The following ZFAT variants were observed in gnomAD, a reference collection of about 807,000 sequenced individuals.
ZFAT encodes zinc finger protein ZFAT.
In ZFAT, 64 loss-of-function variants were observed where a neutral mutation model predicts 117.7. The ratio of observed to expected loss-of-function variants is 0.54; its 90% CI spans 0.44 to 0.67. The LOEUF (loss-of-function observed/expected upper bound fraction) is 0.67. Ranked by LOEUF, ZFAT falls within the 30% of genes least tolerant of loss-of-function variation. The pLI is 0.00. For missense variants in ZFAT, 1,433 were observed against 1,584.5 expected (o/e 0.90, Z 1.62); for synonymous variants, 679 against 615.0 (o/e 1.10, Z -1.54).
At chr8:134,823,308 T>A in the ZFAT span, among the ~76,000 whole-genome samples, 2 of 152,196 alleles carry the variant, frequency 1.3e-5, no homozygotes, top group Non-Finnish European at 2.9e-5. Context: ...AAAAATTAGA[T>A]ACTCAAGTAT....
intron 1 of ZFAT, among the ~76,000 whole-genome samples, chr8:134,662,024 G>A (rs968947909): frequency 7.9e-5 from 12 of 152,108 alleles, no homozygotes; most frequent in Admixed American, 7.2e-4. Context: ...GCCACAACTG[G>A]GTGGCTTATT....
intron 8 of ZFAT, among the ~76,000 whole-genome samples, chr8:134,589,652 T>G (rs980105799): frequency 1.3e-5 from 2 of 152,248 alleles, no homozygotes; most frequent in Admixed American, 6.5e-5. Context: ...TGTGTGACGT[T>G]AGCAGGGGTG....
At position 134,712,813 on chromosome 8, in the gene ZFAT, C is replaced by G. The variant is rs375391640; in HGVS notation, c.19+32G>C. On this transcript the variant is annotated intron_variant, in intron 1 of 15. Coordinates refer to ENST00000377838, the MANE Select transcript of ZFAT (RefSeq NM_020863.4). ...GCGCCGCGCCGCGCCCCACCCCCAC[C>G]CCGTCTCACCCCAACCCCCAGCCCG... 9 of 1,215,046 alleles carry G rather than the reference C, an allele frequency of 7.4e-6. 1 individual carries two copies. Among genetic ancestry groups the G allele is most frequent in the South Asian group, 2.8e-5 (2 of 71,866 alleles). The allele number at this position is 1,215,046 out of a possible 1,614,324, so 75.3% of individuals were successfully genotyped here. A position where few individuals can be genotyped will look rare whatever the true frequency, so the allele number is the denominator to read the frequency against.
chr8:134,608,721 C>T lies in ZFAT; in HGVS notation c.785+8G>A, dbSNP rs1227739379. 3 of 1,609,320 alleles carry T rather than the reference C, an allele frequency of 1.9e-6. No homozygotes were observed. Among genetic ancestry groups the T allele is most frequent in the Admixed American group, 1.7e-5 (1 of 59,156 alleles). On this transcript the variant is annotated splice_region_variant and intron_variant, in intron 5 of 15. Coordinates refer to ENST00000377838, the MANE Select transcript of ZFAT (RefSeq NM_020863.4). ...CTGGCTGAAGTTACACAGAACAAAA[C>T]ACTTTACCTGCTTGACTTCATTGGT...
At chr8:134,536,009 C>T (rs1057225278) in intron 11 of ZFAT, among the ~76,000 whole-genome samples, 4 of 152,210 alleles carry the variant, frequency 2.6e-5, no homozygotes, top group African/African-American at 7.2e-5. Flanking sequence ...CAGCTTCAGA[C>T]TTGAGAGCCA....
At chr8:134,729,769 C>T in the ZFAT span, among the ~76,000 whole-genome samples, 117,338 of 152,036 alleles carry the variant, frequency 0.77, 46,006 homozygotes, top group Non-Finnish European at 0.85. Flanking sequence ...TGGTTACCCT[C>T]ACAAGCTTGG....
At chr8:134,713,129 C>T (rs936224941), upstream of ZFAT, 5 of 374,630 alleles carry the variant, frequency 1.3e-5, no homozygotes, top group Non-Finnish European at 9.5e-6. Context: ...CCCGGCAGGG[C>T]CGAGCTAACG....
chr8:134,711,845 G>T lies in ZFAT; in HGVS notation c.19+1000C>A, dbSNP rs114087048. ...TGTTATTTGAACTAAAGTCAGGAAA[G>T]GTGTCCCTGGGGGTTAGAGGTAGGA... is the stretch of plus-strand genomic sequence containing the variant. On this transcript the variant is annotated intron_variant, in intron 1 of 15. Coordinates refer to ENST00000377838, the MANE Select transcript of ZFAT (RefSeq NM_020863.4). 6.3e-3 allele frequency among the ~76,000 whole-genome samples: 963 copies of T among 152,264 alleles called. 14 individuals carry two copies. Among genetic ancestry groups the T allele is most frequent in the African/African-American group, 0.022 (917 of 41,530 alleles).
intron 2 of ZFAT, among the ~76,000 whole-genome samples, chr8:134,639,611 G>A (rs76018559): frequency 0.014 from 2,178 of 152,300 alleles, 53 homozygotes; most frequent in African/African-American, 0.048. Flanking sequence ...CAAGGGAGAT[G>A]GGAGGAAAGA....
At chr8:134,542,687 T>C (rs1159422429) in intron 11 of ZFAT, among the ~76,000 whole-genome samples, 2 of 152,230 alleles carry the variant, frequency 1.3e-5, no homozygotes, top group Admixed American at 6.5e-5. Context: ...CCAGAGCCTG[T>C]GGAGAGCCCC....
chr8:134,681,440 G>A (rs1475973046), intron 1 of ZFAT, among the ~76,000 whole-genome samples: 5 of 152,248 alleles, frequency 3.3e-5, no homozygotes, highest in South Asian at 2.1e-4. Flanking sequence ...TCCCCTTAGC[G>A]ATGATGCTGC....
At chr8:134,624,178 ATG>A (rs1491256863) in intron 3 of ZFAT, among the ~76,000 whole-genome samples, 82 of 101,714 alleles carry the variant, frequency 8.1e-4, no homozygotes, top group African/African-American at 1.7e-3. Context: ...ACATGTGCAC[ATG>A]CACACACACA....
chr8:134,830,901 C>T, the ZFAT span, among the ~76,000 whole-genome samples: 2 of 152,100 alleles, frequency 1.3e-5, no homozygotes, highest in African/African-American at 4.8e-5. Flanking sequence ...GTTTGGTAAA[C>T]AGGTAGCATA....
the ZFAT span, among the ~76,000 whole-genome samples, chr8:134,735,150 A>G: frequency 6.6e-6 from 1 of 152,222 alleles, no homozygotes; most frequent in South Asian, 2.1e-4. Context: ...AAGATTTTAC[A>G]GGAGGGTTTT....
At chr8:134,610,231 C>A (rs73367107) in intron 4 of ZFAT, among the ~76,000 whole-genome samples, 4,396 of 152,292 alleles carry the variant, frequency 0.029, 237 homozygotes, top group African/African-American at 0.1. Flanking sequence ...CACGGCGGAG[C>A]TGTGGGACTA....
intron 9 of ZFAT, 50 bp downstream of exon 9, chr8:134,588,196 T>C: frequency 1.3e-6 from 2 of 1,508,862 alleles, no homozygotes; most frequent in South Asian, 1.3e-5. Flanking sequence ...AAATGAAGGA[T>C]GGAAGCACAA....
the ZFAT span, among the ~76,000 whole-genome samples, chr8:134,806,763 C>T: frequency 1.9e-4 from 29 of 152,158 alleles, no homozygotes; most frequent in East Asian, 2.1e-3. Flanking sequence ...ATAATATATT[C>T]TTGAGGAAAC....
the ZFAT span, among the ~76,000 whole-genome samples, chr8:134,763,042 C>T: frequency 5.3e-5 from 8 of 152,156 alleles, no homozygotes; most frequent in South Asian, 1.4e-3. Context: ...CACCTTTGGT[C>T]CCTACAATCT....
chr8:134,528,850 A>G (rs1008027580), intron 12 of ZFAT, among the ~76,000 whole-genome samples: 1 of 152,098 alleles, frequency 6.6e-6, no homozygotes, highest in Non-Finnish European at 1.5e-5. Flanking sequence ...AATACCACCA[A>G]CGACTGCCTT....
Sources: allele counts gnomAD v4.1 joint callset (sites outside exome capture counted in the v4.1 genomes callset), GRCh38; gene constraint gnomAD v4.1.1; transcripts MANE v1.5; gene names NCBI Gene and HGNC (gene_info 2026-07-23, HGNC 2026-07-21).